Variants in CPA6 observed in about 807,000 individuals in gnomAD.
CPA6 encodes carboxypeptidase B.
CPA6 carries 58 observed loss-of-function variants against 63.3 expected under a neutral mutation model. The ratio of observed to expected loss-of-function variants is 0.92; its 90% CI spans 0.74 to 1.14. CPA6 has a LOEUF of 1.14. CPA6 is among the 50% of genes most tolerant of loss of function. The pLI is 0.00. For synonymous variants in CPA6, 185 were observed against 179.0 expected (o/e 1.03, Z -0.27); for missense variants, 565 against 526.6 (o/e 1.07, Z -0.71).
chr8:67,481,275 C>T (rs957020592), intron 8 of CPA6, among the ~76,000 whole-genome samples: 1 of 152,184 alleles, frequency 6.6e-6, no homozygotes, highest in Admixed American at 6.5e-5. Flanking sequence ...AAGAAAAAAG[C>T]ACAGTGCTTC....
chr8:67,674,109 T>C (rs908389692), intron 1 of CPA6, among the ~76,000 whole-genome samples: 1 of 152,184 alleles, frequency 6.6e-6, no homozygotes, highest in Non-Finnish European at 1.5e-5. Flanking sequence ...TAGCTGGAAT[T>C]ATTCTCTCCA....
chr8:67,483,809 C>T lies in CPA6; in HGVS notation c.797G>A (p.Arg266His), dbSNP rs140612122. The stretch of plus-strand genomic sequence containing the variant: ...CCAGTTTCTATTGGCATCCACTCCA[C>T]GGCAGCGAAACCTTGAGTTCCTTGA... ...TRSRNSRFRCRGVDANRNWKV... is the reference protein window; with the variant it reads ...TRSRNSRFRCHGVDANRNWKV... The change falls in exon 8 of 11, where the codon CGT becomes CAT. Residue 266 changes from arginine to histidine, a missense_variant. Coordinates refer to ENST00000297770, the MANE Select transcript of CPA6 (RefSeq NM_020361.5). 41 of 1,614,154 alleles carry T rather than the reference C, an allele frequency of 2.5e-5. No homozygotes were observed. In the East Asian group the frequency reaches 4.0e-4, roughly 16 times the overall value.
chr8:67,705,600 T>C (rs1817117454), intron 1 of CPA6, among the ~76,000 whole-genome samples: 1 of 152,184 alleles, frequency 6.6e-6, no homozygotes, highest in African/African-American at 2.4e-5. Flanking sequence ...AAATATACTT[T>C]CCAAGATGGG....
At chr8:67,471,124 C>A (rs1811047587) in intron 8 of CPA6, among the ~76,000 whole-genome samples, 1 of 152,138 alleles carries the variant, frequency 6.6e-6, no homozygotes. Flanking sequence ...TCAGCTCTAG[C>A]CAGACACTCT....
chr8:67,577,543 G>A (rs2128977680), intron 2 of CPA6, among the ~76,000 whole-genome samples: 1 of 152,182 alleles, frequency 6.6e-6, no homozygotes, highest in Non-Finnish European at 1.5e-5. Flanking sequence ...TAAGAAAGAT[G>A]GCTAATTTTT....
At chr8:67,615,611 T>G (rs1032044161) in intron 2 of CPA6, among the ~76,000 whole-genome samples, 1 of 152,214 alleles carries the variant, frequency 6.6e-6, no homozygotes, top group African/African-American at 2.4e-5. Context: ...TAGTGGCCTG[T>G]GCACATAAGC....
chr8:67,502,157 A>C (rs1377457230), intron 6 of CPA6, among the ~76,000 whole-genome samples: 1 of 152,024 alleles, frequency 6.6e-6, no homozygotes, highest in Non-Finnish European at 1.5e-5. Flanking sequence ...AGCTTTGTCA[A>C]TTTTATCTAT....
intron 8 of CPA6, among the ~76,000 whole-genome samples, chr8:67,439,758 T>C (rs1459255055): frequency 1.3e-5 from 2 of 152,190 alleles, no homozygotes; most frequent in Non-Finnish European, 2.9e-5. Context: ...TTTTATTTAT[T>C]TATTTTTTAT....
chr8:67,665,569 G>A (rs1440498131), intron 1 of CPA6, among the ~76,000 whole-genome samples: 3 of 152,182 alleles, frequency 2.0e-5, no homozygotes, highest in Admixed American at 1.3e-4. Context: ...AAAGAATACA[G>A]TCCAACTTTA....
At chr8:67,695,315 A>T (rs1255703336) in intron 1 of CPA6, among the ~76,000 whole-genome samples, 1 of 152,162 alleles carries the variant, frequency 6.6e-6, no homozygotes, top group Non-Finnish European at 1.5e-5. Flanking sequence ...CTGAGTGCCC[A>T]ATCTGCCAGC....
chr8:67,658,936 G>T (rs1359535321), intron 1 of CPA6, among the ~76,000 whole-genome samples: 2 of 151,830 alleles, frequency 1.3e-5, no homozygotes, highest in Non-Finnish European at 2.9e-5. Context: ...CTTCCTACCT[G>T]GTCTCTCTGA....
rs1809784665 is a variant in CPA6, at chr8:67,422,460, CT to C, written c.*43del. 6.4e-7 allele frequency: 1 copy of C among 1,558,380 alleles called. No individual in the cohort carries two copies. The highest frequency in any genetic ancestry group is 2.2e-5 in the East Asian group (1 of 44,492). The stretch of plus-strand genomic sequence containing the variant: ...AATTTCTATCCAGGGCCAAGTAGGC[CT>C]TGCTCAGAATCCTATGGCAGTTGAC... On this transcript the variant is annotated 3_prime_UTR_variant, in exon 11 of 11. Coordinates refer to ENST00000297770, the MANE Select transcript of CPA6 (RefSeq NM_020361.5).
chr8:67,448,650 A>G (rs2128955355), intron 8 of CPA6, among the ~76,000 whole-genome samples: 1 of 148,118 alleles, frequency 6.8e-6, no homozygotes, highest in Non-Finnish European at 1.5e-5. Flanking sequence ...AAAAAAAAAA[A>G]AAAAGGAAAG....
intron 1 of CPA6, among the ~76,000 whole-genome samples, chr8:67,712,227 C>T (rs549267722): frequency 2.0e-5 from 3 of 152,230 alleles, no homozygotes; most frequent in Non-Finnish European, 2.9e-5. Context: ...AATAGTGTAT[C>T]GGGACCACTG....
intron 2 of CPA6, among the ~76,000 whole-genome samples, chr8:67,580,589 G>A (rs1314534596): frequency 2.6e-5 from 4 of 152,172 alleles, no homozygotes; most frequent in Non-Finnish European, 5.9e-5. Flanking sequence ...AGAGATGGGG[G>A]CTTGCAGATT....
chr8:67,654,131 G>A (rs1179088595), intron 1 of CPA6, among the ~76,000 whole-genome samples: 1 of 152,128 alleles, frequency 6.6e-6, no homozygotes, highest in Non-Finnish European at 1.5e-5. Flanking sequence ...ATGTGCTGCT[G>A]GATTCCATTT....
At chr8:67,629,827 C>T (rs1039410275) in intron 1 of CPA6, among the ~76,000 whole-genome samples, 1 of 152,086 alleles carries the variant, frequency 6.6e-6, no homozygotes, top group Non-Finnish European at 1.5e-5. Context: ...TCATTCCTGG[C>T]TGGGCGTGGT....
chr8:67,693,456 T>A (rs1412917477), intron 1 of CPA6, among the ~76,000 whole-genome samples: 1 of 152,216 alleles, frequency 6.6e-6, no homozygotes, highest in Admixed American at 6.5e-5. Flanking sequence ...TCAAAAATTA[T>A]TTGTGGAATG....
intron 1 of CPA6, among the ~76,000 whole-genome samples, chr8:67,656,721 C>G (rs1475631730): frequency 6.6e-6 from 1 of 152,118 alleles, no homozygotes; most frequent in Non-Finnish European, 1.5e-5. Context: ...ATGAAGGCTC[C>G]TTGTAAAGAA....
Sources: gnomAD v4.1 joint callset for allele counts (sites outside exome capture counted in the v4.1 genomes callset) on GRCh38, gnomAD v4.1.1 for gene constraint, MANE v1.5 for transcripts, NCBI Gene and HGNC (gene_info 2026-07-23, HGNC 2026-07-21) for gene names.